The following HIVEP1 variants were observed in gnomAD, a reference collection of about 807,000 sequenced individuals.
HIVEP1 encodes the protein HIVEP zinc finger 1.
HIVEP1 carries 36 observed loss-of-function variants against 180.0 expected under a neutral mutation model. That is an observed-to-expected ratio of 0.20 (90% CI 0.15 to 0.26). HIVEP1 has a LOEUF of 0.26. Ranked by LOEUF, HIVEP1 falls within the 10% of genes least tolerant of loss-of-function variation. The probability of loss-of-function intolerance (pLI) is 1.00; values close to 1 mark genes in which losing one functional copy is unlikely to be tolerated. For missense variants in HIVEP1, 3,143 were observed against 3,268.7 expected (o/e 0.96, Z 0.94); for synonymous variants, 1,239 against 1,239.0 (o/e 1.00, Z 0.00).
intron 2 of HIVEP1, among the ~76,000 whole-genome samples, chr6:12,076,993 T>C (rs571060586): frequency 7.2e-5 from 11 of 152,262 alleles, no homozygotes; most frequent in African/African-American, 2.6e-4. Context: ...TGGATCTTGC[T>C]GGAGGGATGA....
chr6:12,143,598 C>T (rs1759186853), intron 7 of HIVEP1, among the ~76,000 whole-genome samples: 1 of 152,182 alleles, frequency 6.6e-6, no homozygotes. Context: ...GTCAAATTGT[C>T]CCTGTTTGCA....
chr6:12,154,427 G>A (rs1016511269), intron 7 of HIVEP1, among the ~76,000 whole-genome samples: 4 of 152,102 alleles, frequency 2.6e-5, no homozygotes, highest in African/African-American at 9.7e-5. Context: ...TGCCCTTAGC[G>A]TGGCTGTGCC....
chr6:12,124,186 A>C lies in HIVEP1; in HGVS notation c.4391A>C (p.Tyr1464Ser), dbSNP rs1561972503. 1 of 1,613,966 alleles carries C rather than the reference A, an allele frequency of 6.2e-7. No homozygotes were observed. Among genetic ancestry groups the C allele is most frequent in the East Asian group, 2.2e-5 (1 of 44,890 alleles). The change falls in exon 4 of 9, where the codon TAT (tyrosine) becomes TCT (serine). Residue 1464 changes from tyrosine (Y) to serine (S), a missense_variant. Transcript: ENST00000379388. ...CTTCCCAGTGTGAATGCAGTGCCAT[A>C]TCAGGGGCCTCAGCTCACTAGTACA... ...TALPSVNAVP[Y>S]QGPQLTSTSL... is the part of the protein sequence containing the mutation.
intron 3 of HIVEP1, among the ~76,000 whole-genome samples, chr6:12,096,780 A>T (rs967570573): frequency 6.6e-6 from 1 of 152,038 alleles, no homozygotes; most frequent in Non-Finnish European, 1.5e-5. Context: ...ACAAGGACAT[A>T]TTCTTGTAAT....
At chr6:12,131,672 T>A (rs1259246674) in intron 6 of HIVEP1, among the ~76,000 whole-genome samples, 1 of 148,848 alleles carries the variant, frequency 6.7e-6, no homozygotes, top group Non-Finnish European at 1.5e-5. Context: ...TCCTTATTCA[T>A]GAACAATTTA....
intron 1 of HIVEP1, among the ~76,000 whole-genome samples, chr6:12,013,564 G>A (rs1398255313): frequency 6.6e-6 from 1 of 152,172 alleles, no homozygotes. Flanking sequence ...CGGATCCCAT[G>A]GGATCACATG....
At chr6:12,171,005 A>G in the HIVEP1 span, among the ~76,000 whole-genome samples, 1 of 152,212 alleles carries the variant, frequency 6.6e-6, no homozygotes, top group Non-Finnish European at 1.5e-5. Flanking sequence ...GGTCAGGATC[A>G]GTGTCCAGAA....
upstream of HIVEP1, chr6:12,008,668 A>C (rs1392574299): frequency 1.3e-5 from 2 of 152,004 alleles, no homozygotes; most frequent in Non-Finnish European, 2.9e-5. Context: ...GTAGAAACCG[A>C]TGGAGGCGGT....
chr6:12,069,440 T>C (rs1245131395), intron 2 of HIVEP1, among the ~76,000 whole-genome samples: 1 of 151,928 alleles, frequency 6.6e-6, no homozygotes, highest in African/African-American at 2.4e-5. Context: ...ACTTTATAAA[T>C]GCTGTATACT....
downstream of HIVEP1, among the ~76,000 whole-genome samples, chr6:12,167,477 G>T (rs1205337941): frequency 2.1e-5 from 3 of 142,874 alleles, no homozygotes; most frequent in Non-Finnish European, 4.6e-5. Flanking sequence ...GACTTCCCAT[G>T]ACTTAAAATT....
At chr6:12,128,990 C>G (rs139066582) in intron 4 of HIVEP1, among the ~76,000 whole-genome samples, 1 of 152,200 alleles carries the variant, frequency 6.6e-6, no homozygotes, top group African/African-American at 2.4e-5. Flanking sequence ...GTGGGAGGAT[C>G]ACTTGAGGTC....
intron 2 of HIVEP1, among the ~76,000 whole-genome samples, chr6:12,024,249 A>ATTTTTTTTTTTTTTTT (rs201215779): frequency 7.4e-6 from 1 of 134,864 alleles, no homozygotes; most frequent in Non-Finnish European, 1.6e-5. Context: ...ATTGATTTTG[A>ATTTTTTTTTTTTTTTT]TTTTTTTTTT....
chr6:12,009,034 G>A (rs1381987657), upstream of HIVEP1, among the ~76,000 whole-genome samples: 1 of 151,536 alleles, frequency 6.6e-6, no homozygotes, highest in East Asian at 1.9e-4. Context: ...GCGCGCGGAG[G>A]GCGGAGGGCG....
the HIVEP1 span, among the ~76,000 whole-genome samples, chr6:12,193,089 A>C: frequency 6.6e-6 from 1 of 152,204 alleles, no homozygotes; most frequent in African/African-American, 2.4e-5. Flanking sequence ...AAGTGTTGGG[A>C]TTATAGGCGT....
intron 2 of HIVEP1, among the ~76,000 whole-genome samples, chr6:12,053,370 G>A (rs184989173): frequency 6.6e-6 from 1 of 151,948 alleles, no homozygotes; most frequent in African/African-American, 2.4e-5. Flanking sequence ...TTCTAGTCAA[G>A]TTAGAAGATA....
At chr6:12,041,881 G>T (rs1417606785) in intron 2 of HIVEP1, among the ~76,000 whole-genome samples, 1 of 151,788 alleles carries the variant, frequency 6.6e-6, no homozygotes, top group Non-Finnish European at 1.5e-5. Flanking sequence ...GGATGGTCTT[G>T]ATCTCCTGAC....
chr6:12,166,067 T>C (rs146705420), downstream of HIVEP1, among the ~76,000 whole-genome samples: 131 of 152,330 alleles, frequency 8.6e-4, no homozygotes, highest in African/African-American at 2.8e-3. Context: ...TATTCTGAGA[T>C]AGCTTTGGAA....
intron 2 of HIVEP1, among the ~76,000 whole-genome samples, chr6:12,083,125 A>C (rs1772894061): frequency 6.6e-6 from 1 of 152,166 alleles, no homozygotes; most frequent in Admixed American, 6.5e-5. Flanking sequence ...CTTCATAGAC[A>C]TATGAGTGTA....
At chr6:12,195,503 G>T in the HIVEP1 span, among the ~76,000 whole-genome samples, 1 of 152,186 alleles carries the variant, frequency 6.6e-6, no homozygotes, top group Non-Finnish European at 1.5e-5. Context: ...CTTCCAATAT[G>T]CCAGGATTCC....
Sources: allele counts gnomAD v4.1 joint callset (sites outside exome capture counted in the v4.1 genomes callset), GRCh38; gene constraint gnomAD v4.1.1; transcripts MANE v1.5; gene names NCBI Gene and HGNC (gene_info 2026-07-23, HGNC 2026-07-21).